The following E2F6 variants were observed in gnomAD, a reference collection of about 807,000 sequenced individuals.
E2F6 encodes the protein E2F transcription factor 6, also known as transcription factor E2F6.
E2F6 carries 19 observed loss-of-function variants against 31.5 expected under a neutral mutation model. The observed-to-expected ratio is 0.60, with a 90% confidence interval of 0.42 to 0.89. E2F6 has a LOEUF of 0.89. Among genes scored for constraint, E2F6 ranks in the 40% least tolerant of loss-of-function variants. The pLI is 0.00. For missense variants in E2F6, 269 were observed against 341.6 expected (o/e 0.79, Z 1.67); for synonymous variants, 121 against 127.7 (o/e 0.95, Z 0.36).
At chr2:11,460,106 C>T (rs950978461) in intron 1 of E2F6, among the ~76,000 whole-genome samples, 2 of 152,002 alleles carry the variant, frequency 1.3e-5, no homozygotes, top group Non-Finnish European at 2.9e-5. Context: ...AAGACCTATA[C>T]TTTATTGTGT....
Position 11,447,736 on chromosome 2 carries a change from AGGTCCGTTGGT to A in E2F6, c.679_689del (p.Thr227TyrfsTer7). The A allele has an allele frequency of 6.2e-7, 1 of 1,612,292 alleles. No individual in the cohort carries two copies. The highest frequency in any genetic ancestry group is 8.5e-7 in the Non-Finnish European group (1 of 1,180,014). ...CCACTTCACACAAATAGACATCGAT[AGGTCCGTTGGT>A]GCTCCTTATGTGCACTGTGATAGAG... is the stretch of plus-strand genomic sequence containing the variant. On this transcript the variant is annotated frameshift_variant, in exon 6 of 7. Transcript: ENST00000381525. LOFTEE classifies it high-confidence loss of function.
intron 1 of E2F6, among the ~76,000 whole-genome samples, chr2:11,457,846 A>G (rs1285524806): frequency 6.6e-6 from 1 of 152,220 alleles, no homozygotes; most frequent in Admixed American, 6.5e-5. Flanking sequence ...ATTATAATTA[A>G]TGTAAAAACA....
chr2:11,461,783 A>T lies in E2F6; in HGVS notation c.108+3989T>A, dbSNP rs181567452. On this transcript the variant is annotated intron_variant, in intron 1 of 6. Coordinates refer to ENST00000381525, the MANE Select transcript of E2F6 (RefSeq NM_198256.4). The stretch of plus-strand genomic sequence containing the variant: ...GGGCACACTTAGAAACTTTTAGGTC[A>T]TTTATGTGGAACTCCAGCCATGAAA... Among the ~76,000 whole-genome samples, 29 of 152,342 alleles carry T rather than the reference A, an allele frequency of 1.9e-4. No homozygotes were observed. In the East Asian group the frequency reaches 5.4e-3, roughly 28 times the overall value.
At chr2:11,447,336 T>C (rs1670780406) in intron 6 of E2F6, among the ~76,000 whole-genome samples, 1 of 152,168 alleles carries the variant, frequency 6.6e-6, no homozygotes, top group Non-Finnish European at 1.5e-5. Context: ...GGCAGGCTCT[T>C]TGGCCGAGTG....
At chr2:11,465,653 G>C (rs950748762) in intron 1 of E2F6, 119 bp downstream of exon 1, 1 of 988,898 alleles carries the variant, frequency 1.0e-6, no homozygotes, top group Non-Finnish European at 1.5e-6. Flanking sequence ...GATGGGCAGC[G>C]CCTGGCCCAG....
rs369099235 is a variant in E2F6 at position 11,454,024 on chromosome 2, T to C, written c.164-226A>G. On this transcript the variant is annotated intron_variant, in intron 2 of 6. Transcript: ENST00000381525. ...GGCTTTAGATTTAAACAAAGGAGGATTTGAAATATGCAACCAGTGTCCACC... is the reference window on the plus strand; with the variant it reads ...GGCTTTAGATTTAAACAAAGGAGGACTTGAAATATGCAACCAGTGTCCACC... 1.8e-4 allele frequency among the ~76,000 whole-genome samples: 28 copies of C among 152,246 alleles called. No individual in the cohort carries two copies. In the South Asian group the frequency reaches 5.6e-3, roughly 31 times the overall value.
intron 1 of E2F6, among the ~76,000 whole-genome samples, chr2:11,461,202 A>C (rs748410318): frequency 2.6e-5 from 4 of 152,056 alleles, no homozygotes; most frequent in Non-Finnish European, 4.4e-5. Flanking sequence ...GGCAAACAAG[A>C]CTCATCAGAA....
intron 5 of E2F6, among the ~76,000 whole-genome samples, chr2:11,449,519 G>T (rs1242559311): frequency 6.6e-6 from 1 of 152,198 alleles, no homozygotes; most frequent in African/African-American, 2.4e-5. Flanking sequence ...AGAACGCACT[G>T]AGCAGCTGGC....
intron 1 of E2F6, among the ~76,000 whole-genome samples, chr2:11,459,819 G>C: frequency 6.6e-6 from 1 of 152,152 alleles, no homozygotes; most frequent in South Asian, 2.1e-4. Flanking sequence ...GGGAGGCAGG[G>C]GTTGCAGTGA....
chr2:11,461,430 C>A (rs1671773248), intron 1 of E2F6, among the ~76,000 whole-genome samples: 1 of 152,214 alleles, frequency 6.6e-6, no homozygotes, highest in African/African-American at 2.4e-5. Flanking sequence ...CGGCTCACTG[C>A]AACCTCCACC....
At position 11,453,583 on chromosome 2, in the gene E2F6, T is replaced by G; in HGVS notation, c.379A>C (p.Ile127Leu). 6.2e-7 allele frequency: 1 copy of G among 1,613,670 alleles called. No individual in the cohort carries two copies. Among genetic ancestry groups the G allele is most frequent in the African/African-American group, 1.3e-5 (1 of 75,034 alleles). ...CGAAAAAGTTTGAAAGCAACTCACA[T>G]CCATCTAATATGGTTCTTGGATTTC... is the stretch of plus-strand genomic sequence containing the variant. ...EKKSKNHIRW[I>L]GSDLSNFGAV... Residue 127 changes from isoleucine (I) to leucine (L), a missense_variant and splice_region_variant, in exon 3 of 7, where the codon ATA (isoleucine) becomes CTA (leucine). Coordinates refer to ENST00000381525, the MANE Select transcript of E2F6 (RefSeq NM_198256.4).
At chr2:11,461,759 G>A (rs1165816493) in intron 1 of E2F6, among the ~76,000 whole-genome samples, 1 of 152,116 alleles carries the variant, frequency 6.6e-6, no homozygotes, top group Non-Finnish European at 1.5e-5. Context: ...TCTAACCCAG[G>A]GCACACTTAG....
intron 1 of E2F6, among the ~76,000 whole-genome samples, chr2:11,463,090 C>T (rs77479078): frequency 6.6e-6 from 1 of 152,264 alleles, no homozygotes; most frequent in Non-Finnish European, 1.5e-5. Flanking sequence ...GTGGTTTTTC[C>T]ACAGTGAGCT....
At chr2:11,457,793 C>G (rs1054220952) in intron 1 of E2F6, among the ~76,000 whole-genome samples, 17 of 152,166 alleles carry the variant, frequency 1.1e-4, no homozygotes, top group African/African-American at 4.1e-4. Flanking sequence ...ACGTGGTTCC[C>G]CAAAATTTGC....
At chr2:11,452,240 G>A (rs969333854) in intron 3 of E2F6, among the ~76,000 whole-genome samples, 6 of 152,116 alleles carry the variant, frequency 3.9e-5, no homozygotes, top group African/African-American at 1.4e-4. Flanking sequence ...AACATGTGAG[G>A]AGTCTGTATC....
intron 2 of E2F6, among the ~76,000 whole-genome samples, chr2:11,456,016 C>T (rs963271876): frequency 7.9e-5 from 12 of 152,144 alleles, no homozygotes; most frequent in African/African-American, 2.9e-4. Context: ...ACCTGGGGTG[C>T]TTTGGGGATC....
intron 3 of E2F6, 73 bp downstream of exon 3, chr2:11,453,509 A>G (rs1671201811): frequency 3.7e-6 from 5 of 1,345,422 alleles, no homozygotes; most frequent in South Asian, 1.2e-5. Context: ...CACTGCCACT[A>G]TCTAGTTTAA....
rs551909821 is a variant in E2F6, at chr2:11,453,818, T to C, written c.164-20A>G. 6.9e-6 allele frequency: 11 copies of C among 1,587,984 alleles called. No homozygotes were observed. The highest frequency in any genetic ancestry group is 1.7e-5 in the Admixed American group (1 of 57,960). ...GAGCTTCTGGGAAACAAAATAAACA[T>C]ATTTGTAAAATTTTAAATAACATTT... is the stretch of plus-strand genomic sequence containing the variant. On this transcript the variant is annotated intron_variant, in intron 2 of 6. Transcript: ENST00000381525.
Position 11,445,592 on chromosome 2 carries a change from A to G in E2F6, c.*885T>C, listed in dbSNP as rs1327056201. On this transcript the variant is annotated 3_prime_UTR_variant, in exon 7 of 7. Coordinates refer to ENST00000381525, the MANE Select transcript of E2F6 (RefSeq NM_198256.4). The stretch of plus-strand genomic sequence containing the variant: ...ACAAACATTACAAAATCTACTTGCA[A>G]AAACCTGAAAGGAGTTTCCAATTAT... The G allele has an allele frequency of 6.6e-6, 1 of 152,066 alleles. No individual in the cohort carries two copies. Among genetic ancestry groups the G allele is most frequent in the Non-Finnish European group, 1.5e-5 (1 of 67,996 alleles). 9.4% of individuals were successfully genotyped at this position (152,066 alleles called of 1,614,324 possible).
Sources: gnomAD v4.1 joint callset for allele counts (sites outside exome capture counted in the v4.1 genomes callset) on GRCh38, gnomAD v4.1.1 for gene constraint, MANE v1.5 for transcripts, NCBI Gene and HGNC (gene_info 2026-07-23, HGNC 2026-07-21) for gene names.